ZNF521: variants seen among roughly 807,000 people sequenced by gnomAD.
ZNF521 encodes zinc finger protein 521, also known as LYST-interacting protein 3.
ZNF521 carries 14 observed loss-of-function variants against 105.5 expected under a neutral mutation model. That is an observed-to-expected ratio of 0.13 (90% CI 0.09 to 0.21). The LOEUF (loss-of-function observed/expected upper bound fraction) is 0.21. ZNF521 is among the 10% of genes least tolerant of loss of function. The pLI is 1.00. For synonymous variants in ZNF521, 635 were observed against 606.0 expected, an observed-to-expected ratio of 1.05 and a Z score of -0.70; for missense variants, 1,233 against 1,629.7, an observed-to-expected ratio of 0.76 and a Z score of 4.19.
intron 3 of ZNF521, among the ~76,000 whole-genome samples, chr18:25,314,538 ATTCAG>A (rs1912499636): frequency 6.6e-6 from 1 of 152,242 alleles, no homozygotes; most frequent in Non-Finnish European, 1.5e-5. Flanking sequence ...CCACTCATCA[ATTCAG>A]TTCATTTTCC....
At chr18:25,108,503 T>C (rs1349181225) in intron 5 of ZNF521, among the ~76,000 whole-genome samples, 2 of 152,192 alleles carry the variant, frequency 1.3e-5, no homozygotes, top group South Asian at 4.1e-4. Context: ...TTAGTAATAA[T>C]AGATATTGGA....
intron 5 of ZNF521, among the ~76,000 whole-genome samples, chr18:25,121,488 C>T (rs1024901046): frequency 6.6e-6 from 1 of 151,764 alleles, no homozygotes; most frequent in Non-Finnish European, 1.5e-5. Flanking sequence ...CCTGACCTTG[C>T]GATCTGCCCT....
At chr18:25,262,815 TCTGGG>T (rs1909000428) in intron 3 of ZNF521, among the ~76,000 whole-genome samples, 1 of 152,072 alleles carries the variant, frequency 6.6e-6, no homozygotes, top group African/African-American at 2.4e-5. Context: ...CCAGGGACAG[TCTGGG>T]ATGGTTTGAG....
intron 5 of ZNF521, among the ~76,000 whole-genome samples, chr18:25,145,474 A>G (rs1283800498): frequency 1.3e-5 from 2 of 152,132 alleles, no homozygotes; most frequent in Non-Finnish European, 2.9e-5. Flanking sequence ...ACAACCATCA[A>G]CAAAATGAAA....
In ZNF521 at chr18:25,181,364, G is replaced by A. The variant is rs74780437; in HGVS notation, c.3658+13796C>T. The stretch of plus-strand genomic sequence containing the variant: ...ACTCAGTATTAGTGCTCTCTGCCTG[G>A]CCCACACAAACCATAACATGCAGCA... On this transcript the variant is annotated intron_variant, in intron 5 of 7. Coordinates refer to ENST00000361524, the MANE Select transcript of ZNF521 (RefSeq NM_015461.3). Among the ~76,000 whole-genome samples the A allele has an allele frequency of 7.8e-3, 1,190 of 152,194 alleles. 10 individuals are homozygous for A. The highest frequency in any genetic ancestry group is 0.011 in the Non-Finnish European group (723 of 68,012).
intron 7 of ZNF521, among the ~76,000 whole-genome samples, chr18:25,077,426 G>A (rs959923024): frequency 3.9e-5 from 6 of 152,108 alleles, no homozygotes; most frequent in African/African-American, 1.2e-4. Context: ...GAGCAAGCAC[G>A]CCCTTCCTTT....
chr18:25,195,324 G>T, intron 4 of ZNF521, 80 bp from the exon 5 acceptor site: 1 of 1,148,914 alleles, frequency 8.7e-7, no homozygotes, highest in Non-Finnish European at 1.2e-6. Flanking sequence ...ATTTTTCTGA[G>T]ATGCTGATCT....
At chr18:25,303,152 G>A (rs1168767998) in intron 3 of ZNF521, among the ~76,000 whole-genome samples, 1 of 152,128 alleles carries the variant, frequency 6.6e-6, no homozygotes, top group Non-Finnish European at 1.5e-5. Context: ...TCATGTGCTA[G>A]GAAGCAGAGC....
rs369948001 is a variant in ZNF521 at position 25,139,323 on chromosome 18, A to C, written c.3659-47242T>G. ...AGGCAGAGGTTGAATCCAGGAGCTG[A>C]GATCACACCACTGCACTCTAGCCTG... On this transcript the variant is annotated intron_variant, in intron 5 of 7. Coordinates refer to ENST00000361524, the MANE Select transcript of ZNF521 (RefSeq NM_015461.3). 2.0e-4 allele frequency among the ~76,000 whole-genome samples: 27 copies of C among 136,562 alleles called. No homozygotes were observed. The East Asian group carries it at 4.9e-3, about 25-fold the overall frequency. 89.6% of individuals were successfully genotyped at this position (136,562 alleles called of 152,430 possible). A position where few individuals can be genotyped will look rare whatever the true frequency, so the allele number is the denominator to read the frequency against.
intron 2 of ZNF521, chr18:25,327,573 T>C (rs1913295058): frequency 1.6e-6 from 1 of 625,284 alleles, no homozygotes; most frequent in Non-Finnish European, 2.7e-6. Flanking sequence ...AGAGAAAAAG[T>C]TACCTTCAGG....
chr18:25,117,978 A>C (rs562171681), intron 5 of ZNF521, among the ~76,000 whole-genome samples: 118 of 151,972 alleles, frequency 7.8e-4, no homozygotes, highest in Non-Finnish European at 1.5e-3. Context: ...GGAACATTTT[A>C]AAAGCAGGAA....
intron 4 of ZNF521, among the ~76,000 whole-genome samples, chr18:25,219,838 A>G (rs1213332874): frequency 6.6e-6 from 1 of 152,148 alleles, no homozygotes; most frequent in African/African-American, 2.4e-5. Flanking sequence ...TAATAAAATA[A>G]AATAAAATTA....
At chr18:25,070,420 ATAGTATAAAAGTT>A (rs1567947899) in intron 7 of ZNF521, among the ~76,000 whole-genome samples, 49 of 152,166 alleles carry the variant, frequency 3.2e-4, no homozygotes, top group African/African-American at 1.2e-3. Flanking sequence ...CCATGTACCT[ATAGTATAAAAGTT>A]CATCCATCTC....
chr18:25,222,205 TAAAC>T (rs1287149159), intron 4 of ZNF521, among the ~76,000 whole-genome samples: 2 of 152,128 alleles, frequency 1.3e-5, no homozygotes, highest in African/African-American at 4.8e-5. Flanking sequence ...TTGTAAAACT[TAAAC>T]AAGTATTTTA....
Position 25,212,509 on chromosome 18 carries a change from C to CAAAACAAA in ZNF521, c.3573+11835_3573+11836insTTTGTTTT, listed in dbSNP as rs2036199870. On this transcript the variant is annotated intron_variant, in intron 4 of 7. Coordinates refer to ENST00000361524, the MANE Select transcript of ZNF521 (RefSeq NM_015461.3). ...TGGGCAAAAGAGTGAGACTTAGTCT[C>CAAAACAAA]AAAAAAAAAAAAAAAAAAAAAAAAA... Among the ~76,000 whole-genome samples the CAAAACAAA allele has an allele frequency of 9.2e-5, 2 of 21,698 alleles. 1 individual carries two copies. The highest frequency in any genetic ancestry group is 3.9e-4 in the African/African-American group (2 of 5,084). The allele number at this position is 21,698 out of a possible 152,430, so 14.2% of individuals were successfully genotyped here. A position where few individuals can be genotyped will look rare whatever the true frequency, so the allele number is the denominator to read the frequency against.
intron 3 of ZNF521, among the ~76,000 whole-genome samples, chr18:25,255,745 T>G (rs1311722007): frequency 1.3e-5 from 2 of 151,570 alleles, no homozygotes; most frequent in Non-Finnish European, 2.9e-5. Flanking sequence ...AGCTCACAAT[T>G]TAGGAGAGTT....
At chr18:25,161,053 G>C (rs1398610597) in intron 5 of ZNF521, among the ~76,000 whole-genome samples, 1 of 152,046 alleles carries the variant, frequency 6.6e-6, no homozygotes, top group Non-Finnish European at 1.5e-5. Context: ...TGTGGCATGA[G>C]ACCTCCTGAG....
At chr18:25,186,823 T>C (rs2035729915) in intron 5 of ZNF521, among the ~76,000 whole-genome samples, 1 of 149,968 alleles carries the variant, frequency 6.7e-6, no homozygotes, top group Non-Finnish European at 1.5e-5. Flanking sequence ...TCCATGGTAC[T>C]AGGTTGATGA....
chr18:25,286,381 A>G (rs1414853859), intron 3 of ZNF521, among the ~76,000 whole-genome samples: 1 of 152,232 alleles, frequency 6.6e-6, no homozygotes, highest in East Asian at 1.9e-4. Flanking sequence ...CATTCTCTGC[A>G]AAGAGCTGGA....
Sources: allele counts gnomAD v4.1 joint callset (sites outside exome capture counted in the v4.1 genomes callset), GRCh38; gene constraint gnomAD v4.1.1; transcripts MANE v1.5; gene names NCBI Gene and HGNC (gene_info 2026-07-23, HGNC 2026-07-21).